Variants in GALNTL6 observed in about 807,000 individuals in gnomAD.
GALNTL6 encodes polypeptide N-acetylgalactosaminyltransferase like 6.
Under a neutral mutation model 73.7 loss-of-function variants are expected in GALNTL6, and 46 were observed. That is an observed-to-expected ratio of 0.62 (90% CI 0.49 to 0.80). The LOEUF (loss-of-function observed/expected upper bound fraction) is 0.80. GALNTL6 is among the 30% of genes least tolerant of loss of function. The pLI is 0.00. For missense variants in GALNTL6, 604 were observed against 755.0 expected, an observed-to-expected ratio of 0.80 and a Z score of 2.34; for synonymous variants, 259 against 263.7, an observed-to-expected ratio of 0.98 and a Z score of 0.17.
intron 5 of GALNTL6, among the ~76,000 whole-genome samples, chr4:172,545,215 AGGCCCC>A (rs1163289375): frequency 6.6e-6 from 1 of 152,174 alleles, no homozygotes; most frequent in East Asian, 1.9e-4. Context: ...GGGGTAACTA[AGGCCCC>A]AGAGGTAATA....
chr4:172,808,034 G>A (rs989193558), intron 5 of GALNTL6, among the ~76,000 whole-genome samples: 4 of 152,078 alleles, frequency 2.6e-5, no homozygotes, highest in Non-Finnish European at 5.9e-5. Context: ...TGTCGGTCAG[G>A]CTGGTCTTGA....
chr4:172,354,541 C>T (rs1742083167), intron 5 of GALNTL6, among the ~76,000 whole-genome samples: 1 of 151,968 alleles, frequency 6.6e-6, no homozygotes, highest in Non-Finnish European at 1.5e-5. Context: ...CGACATTGCT[C>T]TCTGTGGTCA....
At chr4:172,855,634 A>G (rs1744084881) in intron 7 of GALNTL6, among the ~76,000 whole-genome samples, 1 of 152,180 alleles carries the variant, frequency 6.6e-6, no homozygotes, top group Non-Finnish European at 1.5e-5. Flanking sequence ...TGTAAATCAT[A>G]GATTTCCCTC....
intron 2 of GALNTL6, among the ~76,000 whole-genome samples, chr4:172,049,455 T>C (rs1050608329): frequency 4.6e-5 from 7 of 152,188 alleles, no homozygotes; most frequent in Non-Finnish European, 1.0e-4. Flanking sequence ...TACTTTACAC[T>C]TCCTTTTATA....
intron 3 of GALNTL6, among the ~76,000 whole-genome samples, chr4:172,304,638 A>G (rs2111129449): frequency 6.6e-6 from 1 of 152,332 alleles, no homozygotes; most frequent in Admixed American, 6.5e-5. Context: ...GTTACTTGTA[A>G]GAAATACTTA....
chr4:172,812,085 G>T (rs1741340847), intron 6 of GALNTL6, among the ~76,000 whole-genome samples: 1 of 152,108 alleles, frequency 6.6e-6, no homozygotes, highest in Non-Finnish European at 1.5e-5. Flanking sequence ...AGGATGGATG[G>T]ATGGATGGAA....
intron 2 of GALNTL6, among the ~76,000 whole-genome samples, chr4:172,180,793 G>C (rs1272247281): frequency 6.6e-6 from 1 of 152,074 alleles, no homozygotes; most frequent in Non-Finnish European, 1.5e-5. Context: ...CCTCTGTTCT[G>C]TTCCATTGAT....
intron 1 of GALNTL6, 146 bp downstream of exon 1, chr4:171,814,136 T>C (rs1734457876): frequency 5.2e-6 from 1 of 191,374 alleles, no homozygotes; most frequent in Admixed American, 6.0e-5. Flanking sequence ...CCTAACCCGC[T>C]CCACCCCGAC....
At chr4:172,180,515 T>G (rs780682426) in intron 2 of GALNTL6, among the ~76,000 whole-genome samples, 1 of 152,184 alleles carries the variant, frequency 6.6e-6, no homozygotes, top group Non-Finnish European at 1.5e-5. Flanking sequence ...AGTCATGAAG[T>G]CTTTGCCCAT....
intron 5 of GALNTL6, among the ~76,000 whole-genome samples, chr4:172,496,761 C>G (rs1055103607): frequency 6.6e-6 from 1 of 151,980 alleles, no homozygotes. Context: ...AATGTAGTAG[C>G]GATACTGGTG....
At chr4:172,649,012 A>G (rs1487828119) in intron 5 of GALNTL6, among the ~76,000 whole-genome samples, 1 of 152,200 alleles carries the variant, frequency 6.6e-6, no homozygotes, top group African/African-American at 2.4e-5. Flanking sequence ...TTCTAATTTA[A>G]TAGTTAACAA....
intron 2 of GALNTL6, among the ~76,000 whole-genome samples, chr4:172,113,562 T>G (rs533619719): frequency 6.6e-6 from 1 of 152,078 alleles, no homozygotes; most frequent in Non-Finnish European, 1.5e-5. Context: ...AAACATTTTG[T>G]CATTTTCCCC....
At chr4:172,300,691 A>G (rs534483341) in intron 3 of GALNTL6, among the ~76,000 whole-genome samples, 4 of 152,106 alleles carry the variant, frequency 2.6e-5, no homozygotes, top group Non-Finnish European at 4.4e-5. Flanking sequence ...AATGTTGAAT[A>G]TTGGCCCCCA....
intron 7 of GALNTL6, among the ~76,000 whole-genome samples, chr4:172,863,959 A>G (rs1452177394): frequency 1.3e-5 from 2 of 152,108 alleles, no homozygotes; most frequent in African/African-American, 4.8e-5. Flanking sequence ...TGCTGTTCTC[A>G]TGATAGTGAA....
At chr4:172,128,004 CTG>C (rs1276886244) in intron 2 of GALNTL6, among the ~76,000 whole-genome samples, 8 of 151,964 alleles carry the variant, frequency 5.3e-5, no homozygotes, top group African/African-American at 1.7e-4. Flanking sequence ...ACTCTGGAGA[CTG>C]AGGCAGGAGA....
intron 2 of GALNTL6, among the ~76,000 whole-genome samples, chr4:171,830,288 T>C (rs1734932593): frequency 6.6e-6 from 1 of 152,174 alleles, no homozygotes; most frequent in South Asian, 2.1e-4. Flanking sequence ...TTAACTTTTG[T>C]AGTTTTAAGC....
chr4:171,997,755 GA>G (rs2110751716), intron 2 of GALNTL6, among the ~76,000 whole-genome samples: 1 of 152,204 alleles, frequency 6.6e-6, no homozygotes, highest in African/African-American at 2.4e-5. Context: ...AGACTAGGGA[GA>G]GGGGTAGTTG....
At chr4:172,550,322 A>G (rs949851824) in intron 5 of GALNTL6, among the ~76,000 whole-genome samples, 3 of 152,218 alleles carry the variant, frequency 2.0e-5, no homozygotes, top group Non-Finnish European at 4.4e-5. Context: ...CACAAAGGAT[A>G]TCATCAATTC....
chr4:172,061,935 TTTTTATCCAC>T (rs1731212525), intron 2 of GALNTL6, among the ~76,000 whole-genome samples: 5 of 143,592 alleles, frequency 3.5e-5, no homozygotes, highest in Admixed American at 3.1e-4. Context: ...GAGCTTGGTA[TTTTTATCCAC>T]TTTTTTTTTT....
Sources: allele counts gnomAD v4.1 joint callset (sites outside exome capture counted in the v4.1 genomes callset), GRCh38; gene constraint gnomAD v4.1.1; transcripts MANE v1.5; gene names NCBI Gene and HGNC (gene_info 2026-07-23, HGNC 2026-07-21).